MMP26: variants seen among roughly 807,000 people sequenced by gnomAD.
MMP26 encodes the protein matrix metallopeptidase 26, also known as matrix metalloproteinase-26.
A neutral mutation model predicts 31.0 loss-of-function variants in MMP26; 33 were observed. That is an observed-to-expected ratio of 1.06 (90% CI 0.81 to 1.42). MMP26 has a LOEUF of 1.42. MMP26 is among the 40% of genes most tolerant of loss of function. The pLI is 0.00. For missense variants in MMP26, 347 were observed against 316.1 expected, an observed-to-expected ratio of 1.10 and a Z score of -0.74; for synonymous variants, 122 against 114.9, an observed-to-expected ratio of 1.06 and a Z score of -0.40.
At chr11:4,779,690 T>C (rs928289301) in intron 2 of MMP26, among the ~76,000 whole-genome samples, 3 of 152,110 alleles carry the variant, frequency 2.0e-5, no homozygotes, top group Admixed American at 2.0e-4. Context: ...TTTAGCTAAG[T>C]CCTATTTTTA....
intron 2 of MMP26, among the ~76,000 whole-genome samples, chr11:4,960,344 T>A (rs145741746): frequency 0.014 from 2,179 of 151,844 alleles, 53 homozygotes; most frequent in African/African-American, 0.05. Flanking sequence ...TTTTCTGTAA[T>A]GTTAGTTTGA....
At chr11:4,890,417 G>T (rs1039879608) in intron 2 of MMP26, 1 of 168,990 alleles carries the variant, frequency 5.9e-6, no homozygotes, top group East Asian at 1.5e-4. Context: ...AATAGTACAT[G>T]GGTGCATGGA....
chr11:4,969,233 A>G (rs1846634874), intron 2 of MMP26, among the ~76,000 whole-genome samples: 1 of 152,036 alleles, frequency 6.6e-6, no homozygotes, highest in Non-Finnish European at 1.5e-5. Flanking sequence ...TCAATGTGAC[A>G]AAAACGTTTA....
rs550693054 is a variant in MMP26, at chr11:4,889,968, A to G, written c.-144-98100A>G. On this transcript the variant is annotated intron_variant, in intron 2 of 7. Transcript: ENST00000380390. Reference sequence around the variant, plus strand: ...TAGAAGAAGTTGACAGTGTTGTCGGAGCAGGCCAGCTTCCTGACATCCTGA... The same window carrying G: ...TAGAAGAAGTTGACAGTGTTGTCGGGGCAGGCCAGCTTCCTGACATCCTGA... 1.8e-5 allele frequency: 3 copies of G among 163,468 alleles called. No individual in the cohort carries two copies. In the South Asian group the frequency reaches 5.4e-4, roughly 30 times the overall value. The allele number at this position is 163,468 out of a possible 1,614,324, so 10.1% of individuals were successfully genotyped here.
At chr11:4,812,866 GAT>G (rs1157717470) in intron 2 of MMP26, among the ~76,000 whole-genome samples, 1 of 152,094 alleles carries the variant, frequency 6.6e-6, no homozygotes, top group Non-Finnish European at 1.5e-5. Context: ...AGGAAAGGCA[GAT>G]GTGTGTGTGT....
At chr11:4,790,862 C>A (rs111959215) in intron 2 of MMP26, among the ~76,000 whole-genome samples, 1 of 152,122 alleles carries the variant, frequency 6.6e-6, no homozygotes, top group Admixed American at 6.6e-5. Flanking sequence ...TAGTTACTGA[C>A]GTTTAAAAAT....
At chr11:4,745,560 G>C (rs1012566320) in intron 1 of MMP26, among the ~76,000 whole-genome samples, 4 of 152,156 alleles carry the variant, frequency 2.6e-5, no homozygotes, top group Non-Finnish European at 5.9e-5. Context: ...TCCCAGTGGA[G>C]TGGTACATTT....
chr11:4,991,437 C>G lies in MMP26; in HGVS notation c.536C>G (p.Ser179Cys). The G allele has an allele frequency of 1.2e-6, 2 of 1,614,002 alleles. No homozygotes were observed. Among genetic ancestry groups the G allele is most frequent in the Non-Finnish European group, 1.7e-6 (2 of 1,179,904 alleles). ...GILGHAFLPNSGNPGVVHFDK... is the reference protein window; with the variant it reads ...GILGHAFLPNCGNPGVVHFDK... ...TTAGGCCATGCCTTTTTACCAAATT[C>G]TGGAAATCCTGGAGTTGTCCATTTT... is the stretch of plus-strand genomic sequence containing the variant. The change falls in exon 6 of 8, where the codon TCT (serine) becomes TGT (cysteine). Residue 179 changes from serine (S) to cysteine (C), a missense_variant. Ser to Cys is a moderately radical substitution (Grantham distance 112). Transcript: ENST00000380390.
intron 2 of MMP26, among the ~76,000 whole-genome samples, chr11:4,987,409 T>G (rs1455292155): frequency 6.9e-6 from 1 of 144,698 alleles, no homozygotes; most frequent in Non-Finnish European, 1.5e-5. Context: ...TTTTTGTGGT[T>G]TTTTTTTGTT....
At chr11:4,849,548 T>G (rs186767236) in intron 2 of MMP26, among the ~76,000 whole-genome samples, 17 of 152,312 alleles carry the variant, frequency 1.1e-4, no homozygotes, top group African/African-American at 3.6e-4. Context: ...TGACAAACAC[T>G]TTAGGAAACA....
At chr11:4,769,070 A>G (rs149782446) in intron 2 of MMP26, 1 of 1,566,070 alleles carries the variant, frequency 6.4e-7, no homozygotes, top group Non-Finnish European at 8.7e-7. Flanking sequence ...GGGTAAAAGC[A>G]GGTATACATT....
At chr11:4,940,462 C>T (rs2596003) in intron 2 of MMP26, among the ~76,000 whole-genome samples, 150,623 of 152,282 alleles carry the variant, frequency 0.99, 74,520 homozygotes, top group Middle Eastern at 1. Flanking sequence ...TTTTGTCAGA[C>T]ATTTTGAAAA....
At chr11:4,789,573 G>A (rs545826628) in intron 2 of MMP26, among the ~76,000 whole-genome samples, 53 of 103,202 alleles carry the variant, frequency 5.1e-4, no homozygotes, top group African/African-American at 1.9e-3. Context: ...ATGGAGTCTC[G>A]CTCTGTCACC....
At chr11:4,782,267 A>T (rs191926168) in intron 2 of MMP26, among the ~76,000 whole-genome samples, 419 of 152,312 alleles carry the variant, frequency 2.8e-3, no homozygotes, top group Non-Finnish European at 4.5e-3. Context: ...CGGACAATGA[A>T]ACCCAGGCTG....
intron 2 of MMP26, among the ~76,000 whole-genome samples, chr11:4,912,080 C>T (rs1000833783): frequency 4.6e-5 from 7 of 152,014 alleles, no homozygotes; most frequent in East Asian, 1.9e-4. Flanking sequence ...TGTGGTTTTT[C>T]GTCTGTGTTA....
intron 2 of MMP26, chr11:4,914,250 C>T (rs185762516): frequency 1.2e-3 from 184 of 158,646 alleles, no homozygotes; most frequent in Non-Finnish European, 2.0e-3. Flanking sequence ...TTCTCCACGT[C>T]GCCTGGGCTT....
At chr11:4,848,657 A>T in intron 2 of MMP26, 1 of 1,613,686 alleles carries the variant, frequency 6.2e-7, no homozygotes, top group East Asian at 2.2e-5. Context: ...AGCAATAAGA[A>T]TGGGTTAGGA....
At chr11:4,846,493 G>T (rs1435217255) in intron 2 of MMP26, among the ~76,000 whole-genome samples, 3 of 152,092 alleles carry the variant, frequency 2.0e-5, no homozygotes, top group African/African-American at 7.2e-5. Context: ...ATTTGATAGT[G>T]CAATAGAGTG....
intron 1 of MMP26, among the ~76,000 whole-genome samples, chr11:4,726,635 G>C (rs1029306669): frequency 1.3e-5 from 2 of 152,180 alleles, no homozygotes; most frequent in Admixed American, 6.5e-5. Flanking sequence ...AGATAGCAGA[G>C]AGGAGTATTA....
Sources: gnomAD v4.1 joint callset for allele counts (sites outside exome capture counted in the v4.1 genomes callset) on GRCh38, gnomAD v4.1.1 for gene constraint, MANE v1.5 for transcripts, NCBI Gene and HGNC (gene_info 2026-07-23, HGNC 2026-07-21) for gene names.